The following PLD1 variants were observed in gnomAD, a reference collection of about 807,000 sequenced individuals.
The protein encoded by PLD1 is phospholipase D1.
A neutral mutation model predicts 137.1 loss-of-function variants in PLD1; 112 were observed. The observed-to-expected ratio is 0.82, with a 90% confidence interval of 0.70 to 0.96. The LOEUF (loss-of-function observed/expected upper bound fraction) is 0.96, where lower values mean the gene tolerates loss of function less well. PLD1 is among the 40% of genes least tolerant of loss of function. The pLI is 0.00. For missense variants in PLD1, 1,321 were observed against 1,342.0 expected (o/e 0.98, Z 0.24); for synonymous variants, 431 against 454.7 (o/e 0.95, Z 0.66).
At chr3:171,606,805 T>C (rs941653102) in intron 25 of PLD1, among the ~76,000 whole-genome samples, 2 of 152,234 alleles carry the variant, frequency 1.3e-5, no homozygotes, top group Admixed American at 6.5e-5. Flanking sequence ...TTTTCATTAT[T>C]ATAAACAGTG....
intron 1 of PLD1, among the ~76,000 whole-genome samples, chr3:171,759,385 T>C (rs527464321): frequency 6.6e-6 from 1 of 152,308 alleles, no homozygotes; most frequent in African/African-American, 2.4e-5. Flanking sequence ...AAGATACTAA[T>C]TTTTTTCCTT....
chr3:171,711,817 T>TAAAAAAAAAAAAAA lies in PLD1; in HGVS notation c.911+2062_911+2075dup, dbSNP rs36106956. Among the ~76,000 whole-genome samples, 3 of 99,204 alleles carry TAAAAAAAAAAAAAA rather than the reference T, an allele frequency of 3.0e-5. 1 individual carries two copies. Among genetic ancestry groups the TAAAAAAAAAAAAAA allele is most frequent in the African/African-American group, 1.2e-4 (3 of 25,288 alleles). 65.1% of individuals were successfully genotyped at this position (99,204 alleles called of 152,430 possible). Reference sequence around the variant, plus strand: ...TAAACTCTTACAGAGTTATAAATGCTAAAAAAAAAAAAAAAAAAAAAAAAA... The same window carrying TAAAAAAAAAAAAAA: ...TAAACTCTTACAGAGTTATAAATGCTAAAAAAAAAAAAAAAAAAAAAAAAAAAAAAAAAAAAAAA... On this transcript the variant is annotated intron_variant, in intron 9 of 26. Transcript: ENST00000351298.
At chr3:171,747,093 C>T (rs897883751) in intron 1 of PLD1, among the ~76,000 whole-genome samples, 2 of 152,078 alleles carry the variant, frequency 1.3e-5, no homozygotes, top group Non-Finnish European at 2.9e-5. Flanking sequence ...AGGTCTGCAG[C>T]TTCACTCCTG....
chr3:171,659,989 C>CA (rs1178102837), intron 20 of PLD1, among the ~76,000 whole-genome samples: 1 of 152,112 alleles, frequency 6.6e-6, no homozygotes, highest in African/African-American at 2.4e-5. Context: ...ACAACATTAT[C>CA]ATAACAATGC....
chr3:171,631,770 C>T (rs1312957352), intron 23 of PLD1, among the ~76,000 whole-genome samples: 3 of 151,828 alleles, frequency 2.0e-5, no homozygotes, highest in African/African-American at 7.3e-5. Flanking sequence ...TAAGTCCATA[C>T]TAATATAAAT....
At chr3:171,792,727 G>C (rs763267880) in intron 1 of PLD1, 6 of 456,368 alleles carry the variant, frequency 1.3e-5, no homozygotes, top group Non-Finnish European at 2.6e-5. Flanking sequence ...ATTTCTGCAG[G>C]GCACATACCA....
At position 171,735,492 on chromosome 3, in the gene PLD1, C is replaced by G; in HGVS notation, c.434G>C (p.Arg145Thr). The change falls in exon 4 of 27, where the codon AGA becomes ACA. Residue 145 changes from arginine to threonine, a missense_variant and splice_region_variant. Transcript: ENST00000351298. ...GCATAATTAATTCCAAAATGGTTAC[C>G]TTCTAGTGGGAATGGGGATGCGGAT... ...AFIRIPIPTR[R>T]HTFRRQNVRE... 1 of 1,612,812 alleles carries G rather than the reference C, an allele frequency of 6.2e-7. No homozygotes were observed. Among genetic ancestry groups the G allele is most frequent in the Non-Finnish European group, 8.5e-7 (1 of 1,178,898 alleles).
intron 1 of PLD1, among the ~76,000 whole-genome samples, chr3:171,775,114 TTTA>T: frequency 1.3e-5 from 2 of 152,172 alleles, no homozygotes; most frequent in East Asian, 3.8e-4. Flanking sequence ...GATAAAAAAT[TTTA>T]TTTTTATTTT....
At chr3:171,809,107 G>A (rs1284860281) in intron 1 of PLD1, 1 of 152,216 alleles carries the variant, frequency 6.6e-6, no homozygotes, top group African/African-American at 2.4e-5. Context: ...TTACAGGCGT[G>A]AGTCACCGCG....
chr3:171,645,612 T>C (rs1027745805), intron 21 of PLD1, among the ~76,000 whole-genome samples: 13 of 151,450 alleles, frequency 8.6e-5, no homozygotes, highest in Non-Finnish European at 1.9e-4. Context: ...CGGCCGGGCG[T>C]GGTGGCTCAT....
Position 171,760,841 on chromosome 3 carries a change from G to A in PLD1, c.-31-22759C>T, listed in dbSNP as rs79825625. On this transcript the variant is annotated intron_variant, in intron 1 of 26. Coordinates refer to ENST00000351298, the MANE Select transcript of PLD1 (RefSeq NM_002662.5). ...GCCCAAATGAGACAAGCAATGGATCGTATTAAAAGCTAGTAACAATTGTGC... is the reference window on the plus strand; with the variant it reads ...GCCCAAATGAGACAAGCAATGGATCATATTAAAAGCTAGTAACAATTGTGC... Among the ~76,000 whole-genome samples the A allele has an allele frequency of 3.2e-3, 492 of 152,298 alleles. 2 individuals are homozygous for A. Among genetic ancestry groups the A allele is most frequent in the African/African-American group, 8.3e-3 (343 of 41,562 alleles).
At chr3:171,626,414 T>C (rs1296310356) in intron 23 of PLD1, among the ~76,000 whole-genome samples, 13 of 152,298 alleles carry the variant, frequency 8.5e-5, no homozygotes, top group Admixed American at 2.6e-4. Context: ...TGGAACCAAG[T>C]TGGAAAACAC....
At chr3:171,802,835 G>C (rs538655800) in intron 1 of PLD1, among the ~76,000 whole-genome samples, 1 of 152,092 alleles carries the variant, frequency 6.6e-6, no homozygotes, top group Non-Finnish European at 1.5e-5. Context: ...CATAAAAATC[G>C]AGGCTACCAT....
chr3:171,721,313 A>T (rs1718108689), intron 8 of PLD1: 1 of 152,470 alleles, frequency 6.6e-6, no homozygotes, highest in Non-Finnish European at 1.5e-5. Context: ...AAGGATAGAA[A>T]GAAAGAGCAA....
Position 171,687,406 on chromosome 3 carries a change from T to C in PLD1, c.1718A>G (p.Asp573Gly), listed in dbSNP as rs1714679175. 13 of 1,614,154 alleles carry C rather than the reference T, an allele frequency of 8.1e-6. No homozygotes were observed. The highest frequency in any genetic ancestry group is 1.1e-5 in the Non-Finnish European group (13 of 1,180,008). Reference sequence around the variant, plus strand: ...GTCAATGCTGCTGATGCTATCTGCGTCGTGCAGGTGGTGCCTGTGGAGCTG... The same window carrying C: ...GTCAATGCTGCTGATGCTATCTGCGCCGTGCAGGTGGTGCCTGTGGAGCTG... ...YKQLHRHHLH[D>G]ADSISSIDST... is the part of the protein sequence containing the mutation. Residue 573 changes from aspartate (D) to glycine (G), a missense_variant, in exon 15 of 27, where the codon GAC becomes GGC. By Grantham distance (94) the Asp-to-Gly change is moderately conservative (BLOSUM62 -1). Transcript: ENST00000351298.
intron 6 of PLD1, among the ~76,000 whole-genome samples, chr3:171,727,398 G>A (rs1256857693): frequency 6.6e-6 from 1 of 152,140 alleles, no homozygotes; most frequent in Non-Finnish European, 1.5e-5. Context: ...ATTCTAGGTA[G>A]GTGAAAGCTA....
chr3:171,795,410 TA>T (rs1343319400), intron 1 of PLD1, among the ~76,000 whole-genome samples: 1 of 152,258 alleles, frequency 6.6e-6, no homozygotes. Context: ...TCTCTTGGAA[TA>T]AAGCAACCAG....
At chr3:171,736,268 TC>T (rs963398997) in intron 3 of PLD1, among the ~76,000 whole-genome samples, 1 of 152,102 alleles carries the variant, frequency 6.6e-6, no homozygotes, top group African/African-American at 2.4e-5. Context: ...TATTACTAAA[TC>T]TTTGTAATAA....
chr3:171,698,194 C>T (rs190003996), intron 12 of PLD1, among the ~76,000 whole-genome samples: 1 of 152,256 alleles, frequency 6.6e-6, no homozygotes, highest in East Asian at 1.9e-4. Flanking sequence ...TCAGCAAGTT[C>T]GCCACTGGCA....
Sources: allele counts gnomAD v4.1 joint callset (sites outside exome capture counted in the v4.1 genomes callset), GRCh38; gene constraint gnomAD v4.1.1; transcripts MANE v1.5; gene names NCBI Gene and HGNC (gene_info 2026-07-23, HGNC 2026-07-21).